Variants in PABPC4 observed in about 807,000 individuals in gnomAD.
The protein encoded by PABPC4 is poly(A) binding protein cytoplasmic 4.
In PABPC4, 15 loss-of-function variants were observed where a neutral mutation model predicts 74.5. That is an observed-to-expected ratio of 0.20 (90% confidence interval 0.13 to 0.31). The LOEUF (loss-of-function observed/expected upper bound fraction) is 0.31. Among genes scored for constraint, PABPC4 ranks in the 10% least tolerant of loss-of-function variants. PABPC4 has a pLI of 1.00. For synonymous variants in PABPC4, 345 were observed against 303.0 expected, an observed-to-expected ratio of 1.14 and a Z score of -1.44; for missense variants, 610 against 853.5, an observed-to-expected ratio of 0.71 and a Z score of 3.55.
intron 12 of PABPC4, chr1:39,562,683 T>C (rs1211824636): frequency 5.3e-6 from 2 of 379,786 alleles, no homozygotes; most frequent in African/African-American, 2.0e-5. Flanking sequence ...AACAAACCTA[T>C]AGTGCTAGGC....
chr1:39,561,411 T>C, intron 15 of PABPC4: 2 of 405,142 alleles, frequency 4.9e-6, no homozygotes, highest in Non-Finnish European at 9.3e-6. Flanking sequence ...ATGTGCTTTT[T>C]CCTTAGCTTA....
chr1:39,562,490 A>G (rs1356304285), intron 12 of PABPC4, 74 bp from the exon 13 acceptor site: 11 of 1,013,324 alleles, frequency 1.1e-5, no homozygotes, highest in African/African-American at 3.2e-5. Context: ...TGCCTGTTCA[A>G]TATCTGAACA....
At chr1:39,568,012 C>T (rs1645876068) in intron 6 of PABPC4, 166 bp from the exon 7 acceptor site, 1 of 520,064 alleles carries the variant, frequency 1.9e-6, no homozygotes, top group Non-Finnish European at 3.4e-6. Flanking sequence ...AATCCCAGCA[C>T]TTTGGGAGGC....
intron 3 of PABPC4, among the ~76,000 whole-genome samples, 155 bp from the exon 4 acceptor site, chr1:39,570,157 G>C (rs1570391871): frequency 6.6e-6 from 1 of 152,202 alleles, no homozygotes; most frequent in East Asian, 1.9e-4. Context: ...CAAGTCCCCA[G>C]CAGAAAGAGA....
rs186177912 is a variant in PABPC4, at chr1:39,574,568, T to C, written c.193+1191A>G. The stretch of plus-strand genomic sequence containing the variant: ...CTTAAAAAGACCACACTCAGCTACC[T>C]TTGCGCTCCTATGGCCATGGACAGA... On this transcript the variant is annotated intron_variant, in intron 1 of 15. Transcript: ENST00000372858. Among the ~76,000 whole-genome samples, 219 of 152,344 alleles carry C rather than the reference T, an allele frequency of 1.4e-3. 1 individual carries two copies. The highest frequency in any genetic ancestry group is 5.0e-3 in the African/African-American group (206 of 41,586).
At chr1:39,565,778 A>G (rs1025306049) in intron 7 of PABPC4, among the ~76,000 whole-genome samples, 1 of 152,204 alleles carries the variant, frequency 6.6e-6, no homozygotes, top group Non-Finnish European at 1.5e-5. Context: ...CAGTGAGCCG[A>G]GATCGCGCCA....
chr1:39,570,267 G>C (rs1645919413), intron 3 of PABPC4, among the ~76,000 whole-genome samples: 1 of 152,174 alleles, frequency 6.6e-6, no homozygotes, highest in Admixed American at 6.5e-5. Context: ...AAACCTGATG[G>C]CCATGTTTTT....
chr1:39,564,038 T>G (rs1401454791), intron 10 of PABPC4, 116 bp from the exon 11 acceptor site: 4 of 858,526 alleles, frequency 4.7e-6, no homozygotes, highest in Non-Finnish European at 5.6e-6. Context: ...AGGGGGCCAC[T>G]ACTACTTTCG....
In PABPC4 at chr1:39,563,646, G is replaced by A. The variant is rs1037160495; in HGVS notation, c.1636C>T (p.Arg546Cys). ...VAPYKYASSV[R>C]SPHPAIQPLQ... ...GGCTGTATGGCAGGATGAGGGCTGC[G>A]GACACTGGAGGCGTATTTGTAGGGG... Residue 546 changes from arginine (R) to cysteine (C), a missense_variant, in exon 12 of 16, where the codon CGC becomes TGC. Around this residue, in one of 4 missense-constraint regions of PABPC4, gnomAD observed 277 missense variants for 301.8 expected, o/e 0.92. Coordinates refer to ENST00000372858, the MANE Select transcript of PABPC4 (RefSeq NM_001135653.2). 1.3e-5 allele frequency: 21 copies of A among 1,614,196 alleles called. No homozygotes were observed. Among genetic ancestry groups the A allele is most frequent in the East Asian group, 2.2e-5 (1 of 44,894 alleles).
Position 39,569,877 on chromosome 1 carries a change from A to T in PABPC4, c.629T>A (p.Leu210Gln). 1.9e-6 allele frequency: 3 copies of T among 1,614,024 alleles called. No individual in the cohort carries two copies. Among genetic ancestry groups the T allele is most frequent in the Non-Finnish European group, 2.5e-6 (3 of 1,180,010 alleles). ...CCCCAACTTACCAAACTGACTGAAT[A>T]GCTCTTTCAGACTCTCATCATCCAC... ...EEVDDESLKE[L>Q]FSQFGKTLSV... is the part of the protein sequence containing the mutation. Residue 210 changes from leucine to glutamine, a missense_variant, in exon 4 of 16, where the codon CTA (leucine) becomes CAA (glutamine). This residue lies in a region of PABPC4 where 304 missense variants were observed against 478.9 expected (regional missense o/e 0.63). Coordinates refer to ENST00000372858, the MANE Select transcript of PABPC4 (RefSeq NM_001135653.2).
intron 14 of PABPC4, 39 bp downstream of exon 14, chr1:39,562,034 G>A (rs1557712492): frequency 1.2e-6 from 2 of 1,602,306 alleles, no homozygotes; most frequent in Non-Finnish European, 1.7e-6. Flanking sequence ...GTCTTCCCAA[G>A]CTGAGAACTG....
At chr1:39,571,074 A>G in intron 3 of PABPC4, 160 bp downstream of exon 3, 1 of 1,513,514 alleles carries the variant, frequency 6.6e-7, no homozygotes, top group South Asian at 1.3e-5. Flanking sequence ...AAGGGCTGCC[A>G]CGGCTCAGGC....
chr1:39,565,427 T>A (rs1342232219), intron 7 of PABPC4, 49 bp from the exon 8 acceptor site: 2 of 1,552,070 alleles, frequency 1.3e-6, no homozygotes, highest in Admixed American at 1.7e-5. Flanking sequence ...CCTGGCTGGG[T>A]GTGATGGCTT....
chr1:39,560,983 G>A lies in PABPC4; in HGVS notation c.*153C>T. ...TTCGTATAATTGAAAAATTCTAGGT[G>A]CTTCATAATTGACCTTTTGATACAA... On this transcript the variant is annotated 3_prime_UTR_variant, in exon 16 of 16. Transcript: ENST00000372858. The A allele has an allele frequency of 2.8e-6, 1 of 358,582 alleles. No individual in the cohort carries two copies. The highest frequency in any genetic ancestry group is 5.8e-6 in the Non-Finnish European group (1 of 171,186). The allele number at this position is 358,582 out of a possible 1,614,324, so 22.2% of individuals were successfully genotyped here. A position where few individuals can be genotyped will look rare whatever the true frequency, so the allele number is the denominator to read the frequency against.
rs766125684 is a variant in PABPC4 at position 39,569,681 on chromosome 1, G to C, written c.652C>G (p.Leu218Val). The C allele has an allele frequency of 6.2e-7, 1 of 1,613,072 alleles. No homozygotes were observed. The highest frequency in any genetic ancestry group is 8.5e-7 in the Non-Finnish European group (1 of 1,179,178). ...KELFSQFGKT[L>V]SVKVMRDPNG... ...GGATCTCTCATCACCTTGACACTTA[G>C]GGTCTTACCTATTACCAAAGGACAG... is the stretch of plus-strand genomic sequence containing the variant. Residue 218 changes from leucine (L) to valine (V), a missense_variant, in exon 5 of 16, where the codon CTA becomes GTA. Transcript: ENST00000372858.
intron 1 of PABPC4, among the ~76,000 whole-genome samples, chr1:39,574,429 T>C (rs1158516069): frequency 1.3e-5 from 2 of 152,256 alleles, no homozygotes; most frequent in African/African-American, 2.4e-5. Context: ...GGAGAAGTCC[T>C]GCAGAAGTAT....
At chr1:39,567,501 T>C (rs754543595) in intron 7 of PABPC4, 1 of 614,638 alleles carries the variant, frequency 1.6e-6, no homozygotes, top group South Asian at 1.4e-5. Context: ...TGGGAAAGAT[T>C]CAGGTGCTCT....
chr1:39,562,415 G>A lies in PABPC4; in HGVS notation c.1670C>T (p.Ala557Val), dbSNP rs774195474. Residue 557 changes from alanine (A) to valine (V), a missense_variant and splice_region_variant, in exon 13 of 16, where the codon GCA becomes GTA. Ala to Val is a moderately conservative substitution (Grantham distance 64). This residue lies in a region of PABPC4 where 277 missense variants were observed against 301.8 expected (regional missense o/e 0.92). Coordinates refer to ENST00000372858, the MANE Select transcript of PABPC4 (RefSeq NM_001135653.2). Reference protein sequence around the residue: ...SPHPAIQPLQAPQPAVHVQGQ... With the variant: ...SPHPAIQPLQVPQPAVHVQGQ... ...CTGCACATGGACCGCAGGCTGGGGT[G>A]CCTGGGAACCAGGAAAGGCAGTGGG... The A allele has an allele frequency of 4.3e-6, 7 of 1,612,456 alleles. No homozygotes were observed. Among genetic ancestry groups the A allele is most frequent in the Non-Finnish European group, 5.9e-6 (7 of 1,179,056 alleles).
Position 39,564,786 on chromosome 1 carries a change from A to C in PABPC4, c.1246-13T>G. 6.2e-7 allele frequency: 1 copy of C among 1,602,592 alleles called. No individual in the cohort carries two copies. The highest frequency in any genetic ancestry group is 8.6e-7 in the Non-Finnish European group (1 of 1,169,490). On this transcript the variant is annotated splice_polypyrimidine_tract_variant and intron_variant, in intron 8 of 15. Transcript: ENST00000372858. The stretch of plus-strand genomic sequence containing the variant: ...GCCTTCCCTGAGCCTGTAAGACAGA[A>C]GAATACCCAAACACCCCCTTAAGGA...
Sources: gnomAD v4.1 joint callset for allele counts (sites outside exome capture counted in the v4.1 genomes callset) on GRCh38, gnomAD v4.1.1 for gene constraint, gnomAD v4.1.1 regional missense constraint, MANE v1.5 for transcripts, NCBI Gene and HGNC (gene_info 2026-07-23, HGNC 2026-07-21) for gene names.